The following CCSER1 variants were observed in gnomAD, a reference collection of about 807,000 sequenced individuals.
CCSER1 encodes serine-rich coiled-coil domain-containing protein 1.
In CCSER1, 41 loss-of-function variants were observed where a neutral mutation model predicts 82.0. The ratio of observed to expected loss-of-function variants is 0.50; its 90% CI spans 0.39 to 0.65. CCSER1 has a LOEUF of 0.65. Among genes scored for constraint, CCSER1 ranks in the 30% least tolerant of loss-of-function variants. The pLI, the probability that CCSER1 is intolerant of heterozygous loss-of-function variation, is 0.00. For missense variants in CCSER1, 1,119 were observed against 1,064.2 expected, an observed-to-expected ratio of 1.05 and a Z score of -0.72; for synonymous variants, 414 against 383.9, an observed-to-expected ratio of 1.08 and a Z score of -0.92.
At chr4:90,607,804 T>C (rs535164157) in intron 5 of CCSER1, among the ~76,000 whole-genome samples, 2 of 152,196 alleles carry the variant, frequency 1.3e-5, no homozygotes, top group Admixed American at 6.5e-5. Context: ...TGGATACTTA[T>C]AACTACCTTC....
intron 10 of CCSER1, among the ~76,000 whole-genome samples, chr4:91,509,627 C>T (rs2110112090): frequency 6.6e-6 from 1 of 152,234 alleles, no homozygotes; most frequent in East Asian, 1.9e-4. Flanking sequence ...TGTTCACCTT[C>T]TGCCTAGTTG....
intron 6 of CCSER1, among the ~76,000 whole-genome samples, chr4:90,655,885 A>G (rs1248451123): frequency 6.6e-6 from 1 of 151,974 alleles, no homozygotes; most frequent in African/African-American, 2.4e-5. Context: ...ATTCATGAAA[A>G]TCAAAGGTAT....
At chr4:90,777,202 C>T (rs1488766068) in intron 7 of CCSER1, among the ~76,000 whole-genome samples, 1 of 151,618 alleles carries the variant, frequency 6.6e-6, no homozygotes, top group Non-Finnish European at 1.5e-5. Flanking sequence ...ACTAAAAATA[C>T]AAAAATCAGC....
intron 5 of CCSER1, among the ~76,000 whole-genome samples, chr4:90,616,714 CACACACACACACACACACACACACAAATA>C (rs1285382918): frequency 2.5e-4 from 32 of 125,556 alleles, no homozygotes; most frequent in South Asian, 1.7e-3. Flanking sequence ...CACACACACA[CACACACACACACACACACACACACAAATA>C]AAATAAAATA....
chr4:91,598,991 G>T lies in CCSER1; in HGVS notation c.2637G>T (p.Lys879Asn), dbSNP rs1764712646. 3 of 1,551,396 alleles carry T rather than the reference G, an allele frequency of 1.9e-6. No homozygotes were observed. The highest frequency in any genetic ancestry group is 2.7e-5 in the African/African-American group (2 of 73,038). Residue 879 changes from lysine to asparagine, a missense_variant, in exon 11 of 11, where the codon AAG becomes AAT. Lys to Asn is a moderately conservative substitution (Grantham distance 94). Coordinates refer to ENST00000509176, the MANE Select transcript of CCSER1 (RefSeq NM_001145065.2). ...TCTCTTTACACATGTACAGCAGGAA[G>T]AATGTGTTTCTCCACCACAATTTAC... is the stretch of plus-strand genomic sequence containing the variant. ...GPISLHMYSR[K>N]NVFLHHNLHS... is the part of the protein sequence containing the mutation.
At chr4:90,416,867 A>G (rs898555967) in intron 4 of CCSER1, among the ~76,000 whole-genome samples, 8 of 152,210 alleles carry the variant, frequency 5.3e-5, no homozygotes, top group African/African-American at 1.9e-4. Flanking sequence ...TGCATTTACC[A>G]TAAAAAAGAA....
intron 4 of CCSER1, among the ~76,000 whole-genome samples, chr4:90,411,466 A>G (rs1173377106): frequency 1.3e-5 from 2 of 152,250 alleles, no homozygotes; most frequent in Non-Finnish European, 2.9e-5. Flanking sequence ...AGGCTGGTTC[A>G]ACATACGAAA....
Position 90,257,649 on chromosome 4 carries a change from T to C in CCSER1, c.-41-50595T>C, listed in dbSNP as rs896552598. Among the ~76,000 whole-genome samples the C allele has an allele frequency of 3.3e-5, 5 of 152,162 alleles. No individual in the cohort carries two copies. The South Asian group carries it at 1.0e-3, about 32-fold the overall frequency. ...ACATGTAAATACTTAAGTAAATGTT[T>C]ATTTATTATAAGGAATTGGCTCACA... On this transcript the variant is annotated intron_variant, in intron 1 of 10. Transcript: ENST00000509176.
At chr4:91,241,909 A>T (rs1463423207) in intron 10 of CCSER1, among the ~76,000 whole-genome samples, 2 of 151,976 alleles carry the variant, frequency 1.3e-5, no homozygotes, top group African/African-American at 4.8e-5. Flanking sequence ...TAACTTAAAA[A>T]CCCTAATATC....
chr4:90,275,102 A>C (rs1356413287), intron 1 of CCSER1, among the ~76,000 whole-genome samples: 1 of 152,130 alleles, frequency 6.6e-6, no homozygotes, highest in African/African-American at 2.4e-5. Flanking sequence ...GGTGACAAAG[A>C]AGTTTTTATT....
chr4:90,560,924 C>G (rs1215058697), intron 5 of CCSER1, among the ~76,000 whole-genome samples: 3 of 152,150 alleles, frequency 2.0e-5, no homozygotes, highest in Non-Finnish European at 4.4e-5. Flanking sequence ...AAGCTTCCCT[C>G]AAATCATCTG....
At chr4:90,535,759 C>T (rs971189929) in intron 5 of CCSER1, among the ~76,000 whole-genome samples, 4 of 151,816 alleles carry the variant, frequency 2.6e-5, no homozygotes, top group African/African-American at 9.7e-5. Context: ...TCACAGATGA[C>T]ATTGTAAAAT....
intron 10 of CCSER1, among the ~76,000 whole-genome samples, chr4:91,486,315 G>A (rs1758215328): frequency 1.3e-5 from 2 of 152,132 alleles, no homozygotes; most frequent in South Asian, 2.1e-4. Context: ...AAATTAGCAT[G>A]TAGTCCTCTT....
At chr4:90,468,132 T>G in intron 4 of CCSER1, 102 bp from the exon 5 acceptor site, 1 of 982,942 alleles carries the variant, frequency 1.0e-6, no homozygotes, top group Non-Finnish European at 1.4e-6. Flanking sequence ...TTTATTAGAA[T>G]TAGATCTTTT....
chr4:90,183,588 T>A (rs960705542), intron 1 of CCSER1, among the ~76,000 whole-genome samples: 1 of 152,166 alleles, frequency 6.6e-6, no homozygotes, highest in African/African-American at 2.4e-5. Flanking sequence ...CATGTGATAG[T>A]GGAACAAATA....
intron 9 of CCSER1, among the ~76,000 whole-genome samples, chr4:91,054,577 T>G (rs1743280125): frequency 6.6e-6 from 1 of 152,142 alleles, no homozygotes; most frequent in African/African-American, 2.4e-5. Flanking sequence ...TTCCATTCTT[T>G]CACTTTCAAC....
At position 90,695,942 on chromosome 4, in the gene CCSER1, C is replaced by G. The variant is rs1368398228; in HGVS notation, c.1933-27972C>G. ...TAGGTAACAAAACAATAAATAAATTCAACAGTAAAACATTTTGAAATGCAA... is the reference window on the plus strand; with the variant it reads ...TAGGTAACAAAACAATAAATAAATTGAACAGTAAAACATTTTGAAATGCAA... On this transcript the variant is annotated intron_variant, in intron 6 of 10. Coordinates refer to ENST00000509176, the MANE Select transcript of CCSER1 (RefSeq NM_001145065.2). Among the ~76,000 whole-genome samples the G allele has an allele frequency of 2.6e-5, 4 of 151,738 alleles. No individual in the cohort carries two copies. The South Asian group carries it at 8.3e-4, about 32-fold the overall frequency.
intron 10 of CCSER1, among the ~76,000 whole-genome samples, chr4:91,142,048 G>A (rs1430003399): frequency 1.3e-5 from 2 of 152,106 alleles, no homozygotes. Flanking sequence ...CTCCAATTCT[G>A]CAGATTGTCT....
At chr4:90,229,425 G>T (rs1289686337) in intron 1 of CCSER1, among the ~76,000 whole-genome samples, 1 of 152,156 alleles carries the variant, frequency 6.6e-6, no homozygotes, top group Non-Finnish European at 1.5e-5. Context: ...AATGCTGAGA[G>T]ATTTTGTCAC....
Sources: gnomAD v4.1 joint callset for allele counts (sites outside exome capture counted in the v4.1 genomes callset) on GRCh38, gnomAD v4.1.1 for gene constraint, MANE v1.5 for transcripts, NCBI Gene and HGNC (gene_info 2026-07-23, HGNC 2026-07-21) for gene names.